Variants in TENM4 observed in about 807,000 individuals in gnomAD.
TENM4 encodes teneurin transmembrane protein 4.
A neutral mutation model predicts 243.3 loss-of-function variants in TENM4; 82 were observed. The ratio of observed to expected loss-of-function variants is 0.34; its 90% CI spans 0.28 to 0.40. The LOEUF (loss-of-function observed/expected upper bound fraction) is 0.40. TENM4 is among the 10% of genes least tolerant of loss of function. The pLI is 1.00. For missense variants in TENM4, 3,138 were observed against 3,673.3 expected (o/e 0.85, Z 3.77); for synonymous variants, 1,412 against 1,456.3 (o/e 0.97, Z 0.69).
At chr11:78,965,854 T>C (rs775902636) in intron 6 of TENM4, among the ~76,000 whole-genome samples, 1 of 152,198 alleles carries the variant, frequency 6.6e-6, no homozygotes, top group Non-Finnish European at 1.5e-5. Flanking sequence ...TTCCTTCCTC[T>C]TAGTCATTGG....
rs145302960 is a variant in TENM4, at chr11:79,149,406, C to G, written c.-162-600G>C. 6.8e-4 allele frequency among the ~76,000 whole-genome samples: 103 copies of G among 152,256 alleles called. 1 individual carries two copies. The highest frequency in any genetic ancestry group is 2.4e-3 in the African/African-American group (100 of 41,552). On this transcript the variant is annotated intron_variant, in intron 3 of 33. Transcript: ENST00000278550. ...AAGGTGATAAATTTCTCTCTAAGTG[C>G]TGTCTTGGCTATATTCCACAACTTT...
intron 1 of TENM4, among the ~76,000 whole-genome samples, chr11:79,373,970 C>T (rs569949985): frequency 1.3e-5 from 2 of 152,214 alleles, no homozygotes; most frequent in East Asian, 3.9e-4. Context: ...GAGGGCCATC[C>T]AAGGCTGGGG....
At chr11:79,350,992 C>T (rs1170595434) in intron 1 of TENM4, among the ~76,000 whole-genome samples, 2 of 152,042 alleles carry the variant, frequency 1.3e-5, no homozygotes, top group Non-Finnish European at 2.9e-5. Context: ...CCTTCCTACT[C>T]GCCTCCTTGC....
chr11:79,289,947 TTC>T (rs1856325449), intron 2 of TENM4, among the ~76,000 whole-genome samples: 1 of 150,258 alleles, frequency 6.7e-6, no homozygotes, highest in Non-Finnish European at 1.5e-5. Context: ...TCTACCTTTT[TTC>T]TTTCTTTTTC....
chr11:79,243,224 G>T lies in TENM4; in HGVS notation c.-264-27315C>A, dbSNP rs1314234931. 3.3e-5 allele frequency among the ~76,000 whole-genome samples: 5 copies of T among 152,180 alleles called. No individual in the cohort carries two copies. In the East Asian group the frequency reaches 9.7e-4, roughly 30 times the overall value. ...CAGGGGAGGAGGTGTCTGTGTTTCG[G>T]GGGTCATTTTTAGCACTTTTCAGTC... On this transcript the variant is annotated intron_variant, in intron 2 of 33. Transcript: ENST00000278550.
intron 2 of TENM4, among the ~76,000 whole-genome samples, chr11:79,281,144 G>T (rs1023137364): frequency 3.9e-5 from 6 of 152,138 alleles, no homozygotes; most frequent in Non-Finnish European, 8.8e-5. Flanking sequence ...GAGCTTCCTT[G>T]TTCACATTCA....
At chr11:79,183,701 C>A (rs1265112306) in intron 3 of TENM4, among the ~76,000 whole-genome samples, 1 of 151,950 alleles carries the variant, frequency 6.6e-6, no homozygotes, top group African/African-American at 2.4e-5. Context: ...GAACCTAAGA[C>A]TTCTCTTGAA....
intron 2 of TENM4, among the ~76,000 whole-genome samples, chr11:79,250,630 C>T (rs1424046452): frequency 3.3e-5 from 5 of 152,182 alleles, no homozygotes; most frequent in Admixed American, 1.3e-4. Context: ...AAAAAAGGAG[C>T]GATCCTAGCA....
intron 4 of TENM4, among the ~76,000 whole-genome samples, chr11:79,135,951 TTGTA>T (rs1300430099): frequency 6.6e-6 from 1 of 151,682 alleles, no homozygotes; most frequent in Non-Finnish European, 1.5e-5. Flanking sequence ...AAACCAAACA[TTGTA>T]TGTTCTCACT....
intron 6 of TENM4, chr11:79,021,651 A>T (rs920666709): frequency 2.0e-5 from 3 of 152,408 alleles, no homozygotes; most frequent in African/African-American, 7.2e-5. Flanking sequence ...AGAAGAAAGT[A>T]GACTTGGAAG....
chr11:79,279,033 C>T (rs1263405077), intron 2 of TENM4, among the ~76,000 whole-genome samples: 2 of 152,176 alleles, frequency 1.3e-5, no homozygotes, highest in Non-Finnish European at 2.9e-5. Context: ...CAGGCACGTG[C>T]ACAGGTGTTT....
intron 28 of TENM4, among the ~76,000 whole-genome samples, chr11:78,696,937 C>T (rs1362288567): frequency 2.6e-5 from 4 of 152,046 alleles, no homozygotes; most frequent in South Asian, 2.1e-4. Flanking sequence ...GGACAGTGTT[C>T]GCTGCCCTTC....
intron 1 of TENM4, among the ~76,000 whole-genome samples, chr11:79,404,674 A>G (rs1383056657): frequency 1.3e-5 from 2 of 152,216 alleles, no homozygotes; most frequent in Non-Finnish European, 1.5e-5. Context: ...TGTGCTGAGC[A>G]AGGAGTCTGA....
chr11:78,920,745 G>A (rs1433263512), intron 6 of TENM4, among the ~76,000 whole-genome samples: 1 of 152,200 alleles, frequency 6.6e-6, no homozygotes, highest in African/African-American at 2.4e-5. Flanking sequence ...ATATATAAAA[G>A]CCTTTTAATG....
intron 4 of TENM4, among the ~76,000 whole-genome samples, chr11:79,128,124 C>T (rs1402832417): frequency 6.6e-6 from 1 of 152,206 alleles, no homozygotes; most frequent in East Asian, 1.9e-4. Flanking sequence ...CTTGAGGTGT[C>T]AGTGGCAGAT....
At chr11:78,866,114 G>T (rs1319595378) in intron 9 of TENM4, among the ~76,000 whole-genome samples, 1 of 152,186 alleles carries the variant, frequency 6.6e-6, no homozygotes, top group East Asian at 1.9e-4. Context: ...AATAATACTT[G>T]AACAGTTAAC....
chr11:78,967,975 C>G (rs991283905), intron 6 of TENM4, among the ~76,000 whole-genome samples: 14 of 152,222 alleles, frequency 9.2e-5, no homozygotes, highest in African/African-American at 3.4e-4. Context: ...ATGTGATCCG[C>G]AGTGTTGGAG....
intron 4 of TENM4, among the ~76,000 whole-genome samples, chr11:79,086,683 A>T (rs139618424): frequency 0.049 from 7,397 of 152,026 alleles, 248 homozygotes; most frequent in Middle Eastern, 0.14. Flanking sequence ...AAAATAGAAA[A>T]ATTAGCTGGG....
intron 20 of TENM4, among the ~76,000 whole-genome samples, chr11:78,735,017 A>G (rs951297633): frequency 6.6e-6 from 1 of 152,130 alleles, no homozygotes; most frequent in African/African-American, 2.4e-5. Flanking sequence ...TGATAAATCC[A>G]CCATGTGGGA....
Sources: gnomAD v4.1 joint callset for allele counts (sites outside exome capture counted in the v4.1 genomes callset) on GRCh38, gnomAD v4.1.1 for gene constraint, MANE v1.5 for transcripts, NCBI Gene and HGNC (gene_info 2026-07-23, HGNC 2026-07-21) for gene names.